Variants in C1QTNF12 observed in about 807,000 individuals in gnomAD.
C1QTNF12 encodes C1q and TNF related 12, also known as adipolin.
A neutral mutation model predicts 34.3 loss-of-function variants in C1QTNF12; 39 were observed. The ratio of observed to expected loss-of-function variants is 1.14; its 90% CI spans 0.88 to 1.49. The LOEUF (loss-of-function observed/expected upper bound fraction) is 1.49. Among genes scored for constraint, C1QTNF12 ranks in the 40% most tolerant of loss-of-function variants. C1QTNF12 has a pLI of 0.00. For missense variants in C1QTNF12, 497 were observed against 424.7 expected (o/e 1.17, Z -1.50); for synonymous variants, 220 against 196.9 (o/e 1.12, Z -0.98).
At position 1,244,517 on chromosome 1, in the gene C1QTNF12, C is replaced by A; in HGVS notation, c.178-20G>T. 6.4e-7 allele frequency: 1 copy of A among 1,560,504 alleles called. No homozygotes were observed. The highest frequency in any genetic ancestry group is 1.1e-5 in the South Asian group (1 of 90,104). ...GGATGGCTGAAGGGACGGGACGGGG[C>A]TAGCGCACTGAGGCTGCACCCTGCA... is the stretch of plus-strand genomic sequence containing the variant. On this transcript the variant is annotated intron_variant, in intron 1 of 7. Transcript: ENST00000330388.
rs757149209 is a variant in C1QTNF12, at chr1:1,242,874, C to T, written c.771G>A (p.Arg257=). ...EAVSGLESNS[R]VFTLQVQGLL... Reference sequence around the variant, plus strand: ...GCCCCTGCACCTGTAGCGTGAAGACCCTGCTGTTGCTCTCCAGGCCTGAGA... The same window carrying T: ...GCCCCTGCACCTGTAGCGTGAAGACTCTGCTGTTGCTCTCCAGGCCTGAGA... Residue 257 remains arginine (R), a synonymous_variant, in exon 7 of 8, where the codon AGG becomes AGA. Coordinates refer to ENST00000330388, the MANE Select transcript of C1QTNF12 (RefSeq NM_001014980.3). 5.0e-6 allele frequency: 8 copies of T among 1,612,356 alleles called. No individual in the cohort carries two copies. Among genetic ancestry groups the T allele is most frequent in the Non-Finnish European group, 6.8e-6 (8 of 1,179,802 alleles).
chr1:1,246,790 G>A, upstream of C1QTNF12: 2 of 916,808 alleles, frequency 2.2e-6, no homozygotes, highest in Non-Finnish European at 2.8e-6. The surrounding 1 kb of genome is among the most constrained non-coding windows in gnomAD (Gnocchi z 4.5). Flanking sequence ...GCGAGGCCCA[G>A]GGGCGCGCCC....
At chr1:1,247,039 G>A (rs932900834), upstream of C1QTNF12, among the ~76,000 whole-genome samples, 1 of 151,974 alleles carries the variant, frequency 6.6e-6, no homozygotes, top group Non-Finnish European at 1.5e-5. Flanking sequence ...GGCCAGGGAC[G>A]GAGACGGGGC....
At chr1:1,243,806 C>T in intron 4 of C1QTNF12, 148 bp downstream of exon 4, 1 of 1,194,418 alleles carries the variant, frequency 8.4e-7, no homozygotes, top group Non-Finnish European at 1.2e-6. Flanking sequence ...CCTCCCAACC[C>T]TGACCCGAGG....
rs779604214 is a variant in C1QTNF12 at position 1,242,892 on chromosome 1, G to A, written c.753C>T (p.Gly251=). ...QRHTCLEAVS[G]LESNSRVFTL... is the part of the protein sequence containing the mutation. ...TGAAGACCCTGCTGTTGCTCTCCAG[G>A]CCTGAGACGGCCTCCAGGCACCTGA... Residue 251 remains glycine, a synonymous_variant, in exon 7 of 8, where the codon GGC becomes GGT. Transcript: ENST00000330388. 23 of 1,612,394 alleles carry A rather than the reference G, an allele frequency of 1.4e-5. No individual in the cohort carries two copies. The highest frequency in any genetic ancestry group is 4.5e-5 in the East Asian group (2 of 44,868).
In C1QTNF12 at chr1:1,244,032, G is replaced by C. The variant is rs753067712; in HGVS notation, c.453C>G (p.Gly151=). The stretch of plus-strand genomic sequence containing the variant: ...CCTGCAGCCGGCAGTGAAAGGCCTC[G>C]CCCACCAGCCGCAGGCCCGCCCCCT... ...LPQGAGLRLV[G]EAFHCRLQGP... Residue 151 remains glycine, a synonymous_variant, in exon 4 of 8, where the codon GGC becomes GGG. Coordinates refer to ENST00000330388, the MANE Select transcript of C1QTNF12 (RefSeq NM_001014980.3). 1.3e-6 allele frequency: 2 copies of C among 1,593,964 alleles called. No individual in the cohort carries two copies. The highest frequency in any genetic ancestry group is 2.2e-5 in the South Asian group (2 of 88,934).
chr1:1,243,540 C>T lies in C1QTNF12; in HGVS notation c.544G>A (p.Gly182Ser). Reference protein sequence around the residue: ...LHGFQAPAAQGAFLRGSGLSL... With the variant: ...LHGFQAPAAQSAFLRGSGLSL... ...AGACCGGAGCCTCGCAGGAAGGCAC[C>T]TTGGGCAGCAGGCTGTGAGGGGCAG... is the stretch of plus-strand genomic sequence containing the variant. The change falls in exon 5 of 8, where the codon GGT (glycine) becomes AGT (serine). Residue 182 changes from glycine to serine, a missense_variant. Transcript: ENST00000330388. 6.4e-7 allele frequency: 1 copy of T among 1,551,990 alleles called. No individual in the cohort carries two copies. The highest frequency in any genetic ancestry group is 2.4e-5 in the East Asian group (1 of 41,018).
chr1:1,243,295 C>A (rs905547264), intron 5 of C1QTNF12, 143 bp from the exon 6 acceptor site: 21 of 989,100 alleles, frequency 2.1e-5, no homozygotes, highest in Admixed American at 4.7e-5. Context: ...AGGCGTGCAG[C>A]AGGGACCCCA....
rs561013596 is a variant in C1QTNF12, at chr1:1,244,596, C to A, written c.178-99G>T. ...GCACTCAGGGCAGAACCAGGGAAGG[C>A]ATCGCCGGCCAGGAGAAGGACCCAC... On this transcript the variant is annotated intron_variant, in intron 1 of 7. Transcript: ENST00000330388. The A allele has an allele frequency of 1.6e-5, 15 of 945,986 alleles. No homozygotes were observed. The East Asian group carries it at 3.6e-4, about 23-fold the overall frequency. The allele number at this position is 945,986 out of a possible 1,614,324, so 58.6% of individuals were successfully genotyped here. A position where few individuals can be genotyped will look rare whatever the true frequency, so the allele number is the denominator to read the frequency against.
chr1:1,243,864 T>G, intron 4 of C1QTNF12, 90 bp downstream of exon 4: 2 of 1,154,348 alleles, frequency 1.7e-6, no homozygotes, highest in Non-Finnish European at 2.4e-6. Context: ...ACCCACATGC[T>G]GCCCCATGAG....
chr1:1,245,828 C>T (rs1638879364), intron 1 of C1QTNF12, among the ~76,000 whole-genome samples: 1 of 152,188 alleles, frequency 6.6e-6, no homozygotes, highest in Non-Finnish European at 1.5e-5. Context: ...GGTGTGAGGG[C>T]CGGGGATGGG....
chr1:1,242,659 CG>C lies in C1QTNF12; in HGVS notation c.811-14del, dbSNP rs767160785. On this transcript the variant is annotated splice_polypyrimidine_tract_variant and intron_variant, in intron 7 of 7. Coordinates refer to ENST00000330388, the MANE Select transcript of C1QTNF12 (RefSeq NM_001014980.3). Reference sequence around the variant, plus strand: ...CGTACTGTCCAGCCTGTAAGAAGCACGGGGACGTCACAACCGCAGCCACAGC... The same window carrying C: ...CGTACTGTCCAGCCTGTAAGAAGCACGGGACGTCACAACCGCAGCCACAGC... The C allele has an allele frequency of 1.1e-5, 17 of 1,582,690 alleles. No homozygotes were observed. Among genetic ancestry groups the C allele is most frequent in the Non-Finnish European group, 1.4e-5 (16 of 1,164,760 alleles).
Position 1,246,595 on chromosome 1 carries a change from C to G in C1QTNF12, c.96G>C (p.Thr32=), listed in dbSNP as rs375320865. 13 of 1,248,384 alleles carry G rather than the reference C, an allele frequency of 1.0e-5. No homozygotes were observed. The highest frequency in any genetic ancestry group is 6.1e-4 in the Middle Eastern group (2 of 3,300). 77.3% of individuals were successfully genotyped at this position (1,248,384 alleles called of 1,614,324 possible). A position where few individuals can be genotyped will look rare whatever the true frequency, so the allele number is the denominator to read the frequency against. ...GVGARREAQR[T]QQPGQRADPP... is the part of the protein sequence containing the mutation. Reference sequence around the variant, plus strand: ...GATCTGCGCGCTGGCCAGGCTGCTGCGTCCTCTGTGCCTCCCGCCGGGCCC... The same window carrying G: ...GATCTGCGCGCTGGCCAGGCTGCTGGGTCCTCTGTGCCTCCCGCCGGGCCC... The change falls in exon 1 of 8, where the codon ACG becomes ACC. Residue 32 remains threonine, a synonymous_variant. Transcript: ENST00000330388. This position sits in a 1 kb window ranked among gnomAD's most constrained non-coding sequence, Gnocchi z 4.5.
At position 1,243,073 on chromosome 1, in the gene C1QTNF12, G is replaced by A. The variant is rs114921901; in HGVS notation, c.720C>T (p.Cys240=). Reference sequence around the variant, plus strand: ...CTGAGGTCACTCACGTGTGGCGCTGGCACAGGGACTCAATACAGATGAGAA... The same window carrying A: ...CTGAGGTCACTCACGTGTGGCGCTGACACAGGGACTCAATACAGATGAGAA... ...VCVLICIESL[C]QRHTCLEAVS... is the part of the protein sequence containing the mutation. Residue 240 remains cysteine, a synonymous_variant, in exon 6 of 8, where the codon TGC becomes TGT. Coordinates refer to ENST00000330388, the MANE Select transcript of C1QTNF12 (RefSeq NM_001014980.3). 4.9e-3 allele frequency: 7,712 copies of A among 1,583,412 alleles called. 356 individuals carry two copies. The African/African-American group carries it at 0.093, about 19-fold the overall frequency.
intron 1 of C1QTNF12, 40 bp from the exon 2 acceptor site, chr1:1,244,537 C>T: frequency 6.9e-7 from 1 of 1,458,590 alleles, no homozygotes; most frequent in Non-Finnish European, 9.6e-7. Context: ...GAGGCTGCAC[C>T]CTGCAGAGAG....
At chr1:1,242,703 A>T in intron 7 of C1QTNF12, 57 bp from the exon 8 acceptor site, 1 of 1,556,772 alleles carries the variant, frequency 6.4e-7, no homozygotes, top group Non-Finnish European at 8.8e-7. Context: ...CTCGGTGGCC[A>T]ACGTCTGCCC....
At chr1:1,246,727 G>T, upstream of C1QTNF12, 1 of 1,211,366 alleles carries the variant, frequency 8.3e-7, no homozygotes, top group East Asian at 3.3e-5. The surrounding 1 kb of genome is among the most constrained non-coding windows in gnomAD (Gnocchi z 4.5). Context: ...GGCGAGTCTC[G>T]GCGCCAGGGC....
upstream of C1QTNF12, among the ~76,000 whole-genome samples, chr1:1,247,174 G>C (rs868384672): frequency 6.6e-6 from 1 of 150,756 alleles, no homozygotes. Context: ...CTACCTCCTC[G>C]CCCTCCCTGC....
chr1:1,246,775 CGGGGGCGAG>C (rs1638904542), upstream of C1QTNF12: 1 of 1,008,188 alleles, frequency 9.9e-7, no homozygotes, highest in East Asian at 4.0e-5. The surrounding 1 kb of genome is among the most constrained non-coding windows in gnomAD (Gnocchi z 4.5). Flanking sequence ...AGCCCCCGCG[CGGGGGCGAG>C]GCCCAGGGGC....
Sources: allele counts gnomAD v4.1 joint callset (sites outside exome capture counted in the v4.1 genomes callset), GRCh38; gene constraint gnomAD v4.1.1; non-coding constraint Gnocchi (gnomAD v3.1); transcripts MANE v1.5; gene names NCBI Gene and HGNC (gene_info 2026-07-23, HGNC 2026-07-21).